TSC22D4: variants seen among roughly 807,000 people sequenced by gnomAD.
TSC22D4 encodes the protein TSC22 domain family member 4.
In TSC22D4, 5 loss-of-function variants were observed where a neutral mutation model predicts 24.9. The observed-to-expected ratio is 0.20, with a 90% CI of 0.10 to 0.42. TSC22D4 has a LOEUF of 0.42. Ranked by LOEUF, TSC22D4 falls within the 10% of genes least tolerant of loss-of-function variation. The pLI is 1.00. For synonymous variants in TSC22D4, 245 were observed against 243.2 expected (o/e 1.01, Z -0.07); for missense variants, 469 against 547.9 (o/e 0.86, Z 1.44).
chr7:100,474,538 C>CCCACTCTCTTTCGAGGACCCAG lies in TSC22D4; in HGVS notation c.763-120_763-99dup. 1 of 1,421,790 alleles carries CCCACTCTCTTTCGAGGACCCAG rather than the reference C, an allele frequency of 7.0e-7. No homozygotes were observed. The highest frequency in any genetic ancestry group is 9.6e-7 in the Non-Finnish European group (1 of 1,043,848). 88.1% of individuals were successfully genotyped at this position (1,421,790 alleles called of 1,614,324 possible). On this transcript the variant is annotated intron_variant, in intron 2 of 4. Coordinates refer to ENST00000300181, the MANE Select transcript of TSC22D4 (RefSeq NM_030935.5). This position sits in a 1 kb window ranked among gnomAD's most constrained non-coding sequence, Gnocchi z 4.3. ...ATTAGCCTTCCTCCCTCTCCACCTC[C>CCCACTCTCTTTCGAGGACCCAG]CCACTCTCTTTCGAGGACCCAGGAG...
rs35439211 is a variant in TSC22D4, at chr7:100,478,350, AGTGTGTGTGTGTGT to A, written c.-269-57_-269-44del. The A allele has an allele frequency of 1.9e-3, 161 of 83,724 alleles. 1 individual carries two copies. The highest frequency in any genetic ancestry group is 9.4e-3 in the South Asian group (52 of 5,538). The allele number at this position is 83,724 out of a possible 1,614,324, so 5.2% of individuals were successfully genotyped here. A position where few individuals can be genotyped will look rare whatever the true frequency, so the allele number is the denominator to read the frequency against. On this transcript the variant is annotated intron_variant, in intron 1 of 4. Transcript: ENST00000300181. ...GAGAGAGAGAGAGAGAGAGAGAGAG[AGTGTGTGTGTGTGT>A]GTGTGTGTGTGTGTGTGTGTGTGTG...
chr7:100,467,000 G>A lies in TSC22D4; in HGVS notation c.1147C>T (p.Pro383Ser). The change falls in exon 5 of 5, where the codon CCA becomes TCA. Residue 383 changes from proline (P) to serine (S), a missense_variant. By Grantham distance (74) the Pro-to-Ser change is moderately conservative. Transcript: ENST00000300181. ...QLAQLPSSGV[P>S]RLGPPAPNGP... ...TTGGGCGCAGGGGGCCCAAGCCGTG[G>A]GACCCCCGAGGAGGGCAGCTGAGCC... The A allele has an allele frequency of 6.2e-7, 1 of 1,600,864 alleles. No individual in the cohort carries two copies. The highest frequency in any genetic ancestry group is 8.5e-7 in the Non-Finnish European group (1 of 1,173,812).
At chr7:100,473,787 CT>C (rs1200166104) in intron 3 of TSC22D4, 1 of 147,668 alleles carries the variant, frequency 6.8e-6, no homozygotes, top group African/African-American at 2.5e-5. Flanking sequence ...TTCTTTCTTT[CT>C]TTTTCTTTTT....
chr7:100,477,948 G>A lies in TSC22D4; in HGVS notation c.91C>T (p.Pro31Ser), dbSNP rs1799539339. The A allele has an allele frequency of 6.4e-7, 1 of 1,557,354 alleles. No individual in the cohort carries two copies. Among genetic ancestry groups the A allele is most frequent in the African/African-American group, 1.4e-5 (1 of 74,014 alleles). The change falls in exon 2 of 5, where the codon CCT (proline) becomes TCT (serine). Residue 31 changes from proline (P) to serine (S), a missense_variant. Transcript: ENST00000300181. The surrounding 1 kb of genome is among the most constrained non-coding windows in gnomAD (Gnocchi z 7.8). ...GGCCCGGTTGGGGGCTGTGGGGTAGGGGGATCCGAAGCCCCTGGGCTCCCA... is the reference window on the plus strand; with the variant it reads ...GGCCCGGTTGGGGGCTGTGGGGTAGAGGGATCCGAAGCCCCTGGGCTCCCA... Reference protein sequence around the residue: ...GPGSPGASDPPTPQPPTGPPP... With the variant: ...GPGSPGASDPSTPQPPTGPPP...
At chr7:100,470,218 A>G (rs1799366509) in intron 3 of TSC22D4, among the ~76,000 whole-genome samples, 1 of 152,172 alleles carries the variant, frequency 6.6e-6, no homozygotes, top group Non-Finnish European at 1.5e-5. Flanking sequence ...TAAAGATGTC[A>G]AGTAAGGTGT....
chr7:100,469,006 A>G (rs1289232321), intron 3 of TSC22D4, among the ~76,000 whole-genome samples: 1 of 151,858 alleles, frequency 6.6e-6, no homozygotes, highest in East Asian at 1.9e-4. Context: ...CGAGTGGATC[A>G]CCTGAGGTCA....
chr7:100,476,204 G>T (rs1013286070), intron 2 of TSC22D4, among the ~76,000 whole-genome samples: 6 of 147,720 alleles, frequency 4.1e-5, no homozygotes, highest in African/African-American at 1.5e-4. Context: ...CCTGGGGTGG[G>T]TGCTGAATGC....
At position 100,477,200 on chromosome 7, in the gene TSC22D4, G is replaced by A. The variant is rs908530650; in HGVS notation, c.762+77C>T. On this transcript the variant is annotated intron_variant, in intron 2 of 4. Transcript: ENST00000300181. The surrounding 1 kb of genome is among the most constrained non-coding windows in gnomAD (Gnocchi z 7.8). Reference sequence around the variant, plus strand: ...GTGATGGAGAAGGAGGAGGAGAGGGGGGGGAGGAGGAGGAAGGAGGCTCAA... The same window carrying A: ...GTGATGGAGAAGGAGGAGGAGAGGGAGGGGAGGAGGAGGAAGGAGGCTCAA... 1.1e-5 allele frequency: 13 copies of A among 1,184,566 alleles called. No homozygotes were observed. The highest frequency in any genetic ancestry group is 7.5e-5 in the South Asian group (3 of 40,000). 73.4% of individuals were successfully genotyped at this position (1,184,566 alleles called of 1,614,324 possible). A position where few individuals can be genotyped will look rare whatever the true frequency, so the allele number is the denominator to read the frequency against.
rs1213357908 is a variant in TSC22D4 at position 100,477,371 on chromosome 7, C to T, written c.668G>A (p.Gly223Glu). 6.3e-7 allele frequency: 1 copy of T among 1,589,312 alleles called. No homozygotes were observed. Among genetic ancestry groups the T allele is most frequent in the South Asian group, 1.1e-5 (1 of 88,070 alleles). ...TGGAGGGGTCCTGGCCCCTGAGCCC[C>T]CAGCCTCCGCTTCCACCCTCAGAGA... Reference protein sequence around the residue: ...LPSLRVEAEAGGSGARTPPLS... With the variant: ...LPSLRVEAEAEGSGARTPPLS... Residue 223 changes from glycine (G) to glutamate (E), a missense_variant, in exon 2 of 5, where the codon GGG becomes GAG. Gly to Glu is a moderately conservative substitution (Grantham distance 98). Coordinates refer to ENST00000300181, the MANE Select transcript of TSC22D4 (RefSeq NM_030935.5). The surrounding 1 kb of genome is among the most constrained non-coding windows in gnomAD (Gnocchi z 7.8).
At chr7:100,468,160 C>T (rs897227068) in intron 3 of TSC22D4, 3 of 313,024 alleles carry the variant, frequency 9.6e-6, no homozygotes, top group South Asian at 7.4e-5. Context: ...ACACGGGGAC[C>T]CCCCCTCCTT....
At position 100,474,109 on chromosome 7, in the gene TSC22D4, AATC is replaced by A. The variant is rs1311649118; in HGVS notation, c.929+162_929+164del. 2.5e-5 allele frequency: 21 copies of A among 852,810 alleles called. No homozygotes were observed. The Admixed American group carries it at 5.2e-4, about 21-fold the overall frequency. The allele number at this position is 852,810 out of a possible 1,614,324, so 52.8% of individuals were successfully genotyped here. A position where few individuals can be genotyped will look rare whatever the true frequency, so the allele number is the denominator to read the frequency against. On this transcript the variant is annotated intron_variant, in intron 3 of 4. Coordinates refer to ENST00000300181, the MANE Select transcript of TSC22D4 (RefSeq NM_030935.5). This position sits in a 1 kb window ranked among gnomAD's most constrained non-coding sequence, Gnocchi z 4.3. ...CTCCACAGAGAGGGAGTGGGTCCGA[AATC>A]AACTGTGTGCAGTGGCTATGCCCAG...
At chr7:100,475,482 A>C in intron 2 of TSC22D4, among the ~76,000 whole-genome samples, 1 of 152,188 alleles carries the variant, frequency 6.6e-6, no homozygotes, top group Non-Finnish European at 1.5e-5. Context: ...ATAGCACCTA[A>C]CATTATCTGA....
At chr7:100,467,289 A>G (rs549288542) in intron 4 of TSC22D4, 121 bp from the exon 5 acceptor site, 7 of 1,131,010 alleles carry the variant, frequency 6.2e-6, no homozygotes, top group Non-Finnish European at 9.3e-6. Flanking sequence ...CAAAGCAGGG[A>G]AGGGACAGGG....
rs773639071 is a variant in TSC22D4, at chr7:100,474,349, G to T, written c.854C>A (p.Ala285Glu). Residue 285 changes from alanine to glutamate, a missense_variant, in exon 3 of 5, where the codon GCA (alanine) becomes GAA (glutamate). Physicochemically the swap from Ala to Glu is moderately radical, Grantham distance 107. Coordinates refer to ENST00000300181, the MANE Select transcript of TSC22D4 (RefSeq NM_030935.5). This position sits in a 1 kb window ranked among gnomAD's most constrained non-coding sequence, Gnocchi z 4.3. The stretch of plus-strand genomic sequence containing the variant: ...CAGGCTGAACTTCTGAGCTGCTACT[G>T]CTCCGAAGGGGTCTGGAGATTTGTG... Reference protein sequence around the residue: ...LVHKSPDPFGAVAAQKFSLAH... With the variant: ...LVHKSPDPFGEVAAQKFSLAH... 1.2e-6 allele frequency: 2 copies of T among 1,614,146 alleles called. No homozygotes were observed. Among genetic ancestry groups the T allele is most frequent in the Non-Finnish European group, 1.7e-6 (2 of 1,180,014 alleles).
intron 2 of TSC22D4, among the ~76,000 whole-genome samples, chr7:100,475,603 C>A (rs531802331): frequency 6.6e-6 from 1 of 152,190 alleles, no homozygotes; most frequent in Non-Finnish European, 1.5e-5. Context: ...TCACCCACCC[C>A]CCACTCTCGC....
intron 2 of TSC22D4, among the ~76,000 whole-genome samples, chr7:100,475,144 C>T (rs1962269): frequency 0.21 from 32,261 of 152,106 alleles, 3,687 homozygotes; most frequent in African/African-American, 0.29. Context: ...AGTGCAGTGA[C>T]GTGATCTTGG....
In TSC22D4 at chr7:100,477,206, G is replaced by A. The variant is rs1799514442; in HGVS notation, c.762+71C>T. On this transcript the variant is annotated intron_variant, in intron 2 of 4. Coordinates refer to ENST00000300181, the MANE Select transcript of TSC22D4 (RefSeq NM_030935.5). This position sits in a 1 kb window ranked among gnomAD's most constrained non-coding sequence, Gnocchi z 7.8. ...GAGAAGGAGGAGGAGAGGGGGGGGAGGAGGAGGAAGGAGGCTCAAGATAGA... is the reference window on the plus strand; with the variant it reads ...GAGAAGGAGGAGGAGAGGGGGGGGAAGAGGAGGAAGGAGGCTCAAGATAGA... The A allele has an allele frequency of 8.2e-7, 1 of 1,215,208 alleles. No individual in the cohort carries two copies. Among genetic ancestry groups the A allele is most frequent in the Admixed American group, 2.8e-5 (1 of 36,176 alleles). The allele number at this position is 1,215,208 out of a possible 1,614,324, so 75.3% of individuals were successfully genotyped here. A position where few individuals can be genotyped will look rare whatever the true frequency, so the allele number is the denominator to read the frequency against.
chr7:100,478,350 A>AGG (rs1228276528), intron 1 of TSC22D4, 43 bp from the exon 2 acceptor site: 2 of 82,804 alleles, frequency 2.4e-5, no homozygotes, highest in Admixed American at 2.1e-4. Flanking sequence ...AGAGAGAGAG[A>AGG]GTGTGTGTGT....
At chr7:100,467,862 G>A (rs1043299761) in intron 3 of TSC22D4, 1 of 655,364 alleles carries the variant, frequency 1.5e-6, no homozygotes, top group Non-Finnish European at 2.9e-6. Context: ...CCCTTTTTCG[G>A]GGCAGCCCCG....
Sources: gnomAD v4.1 joint callset for allele counts (sites outside exome capture counted in the v4.1 genomes callset) on GRCh38, gnomAD v4.1.1 for gene constraint, Gnocchi (gnomAD v3.1) non-coding constraint, MANE v1.5 for transcripts, NCBI Gene and HGNC (gene_info 2026-07-23, HGNC 2026-07-21) for gene names.